The following FER1L6 variants were observed in gnomAD, a reference collection of about 807,000 sequenced individuals.
FER1L6 encodes the protein fer-1-like protein 6.
A neutral mutation model predicts 219.2 loss-of-function variants in FER1L6; 177 were observed. The observed-to-expected ratio is 0.81, with a 90% CI of 0.71 to 0.91. FER1L6 has a LOEUF of 0.91. Among genes scored for constraint, FER1L6 ranks in the 40% least tolerant of loss-of-function variants. The pLI is 0.00. For missense variants in FER1L6, 2,153 were observed against 2,259.9 expected, an observed-to-expected ratio of 0.95 and a Z score of 0.96; for synonymous variants, 768 against 824.3, an observed-to-expected ratio of 0.93 and a Z score of 1.17.
rs1225888872 is a variant in FER1L6, at chr8:124,060,229, T to G, written c.2924T>G (p.Ile975Ser). ...CTCCCACCCGTTGAGCCACCAGACA[T>G]CACCCAGATCTACCCGGTTCCTGCC... The part of the protein sequence containing the change: ...QGLPPVEPPD[I>S]TQIYPVPANI... The change falls in exon 23 of 41, where the codon ATC becomes AGC. Residue 975 changes from isoleucine to serine, a missense_variant. Physicochemically the swap from Ile to Ser is moderately radical, Grantham distance 142 (BLOSUM62 -2). Coordinates refer to ENST00000522917, the MANE Select transcript of FER1L6 (RefSeq NM_001039112.2). 2 of 1,612,826 alleles carry G rather than the reference T, an allele frequency of 1.2e-6. No homozygotes were observed. The highest frequency in any genetic ancestry group is 2.2e-5 in the East Asian group (1 of 44,764).
chr8:123,861,178 C>T (rs1408684667), intron 1 of FER1L6, among the ~76,000 whole-genome samples: 2 of 126,632 alleles, frequency 1.6e-5, no homozygotes, highest in African/African-American at 3.4e-5. Flanking sequence ...AGGAAGGGAT[C>T]CAGTTTCAGC....
intron 1 of FER1L6, among the ~76,000 whole-genome samples, chr8:123,940,827 C>T (rs959150477): frequency 6.6e-6 from 1 of 152,122 alleles, no homozygotes; most frequent in South Asian, 2.1e-4. Context: ...ACCAAATCAT[C>T]CTTTCTCTGC....
At chr8:124,033,235 T>C (rs1819048891) in intron 18 of FER1L6, among the ~76,000 whole-genome samples, 1 of 152,194 alleles carries the variant, frequency 6.6e-6, no homozygotes, top group Admixed American at 6.5e-5. Flanking sequence ...GACACGGCAG[T>C]GAAGCAACAG....
intron 5 of FER1L6, 110 bp downstream of exon 5, chr8:123,966,400 GC>G (rs1815544123): frequency 2.1e-6 from 3 of 1,406,302 alleles, no homozygotes; most frequent in Non-Finnish European, 2.9e-6. Flanking sequence ...TCCCTCCCTG[GC>G]CCCCAGTTAA....
chr8:123,889,604 A>G (rs935538961), intron 1 of FER1L6, among the ~76,000 whole-genome samples: 1 of 152,274 alleles, frequency 6.6e-6, no homozygotes, highest in South Asian at 2.1e-4. Flanking sequence ...TATTAGATAC[A>G]TACACCAAAA....
chr8:123,975,853 C>A lies in FER1L6; in HGVS notation c.684-45C>A, dbSNP rs1027920397. ...TTGCTCCTGTCTTTTCTCTCTGTTT[C>A]TTCAATTGAGAGAGCTTTTTCATTT... is the stretch of plus-strand genomic sequence containing the variant. On this transcript the variant is annotated intron_variant, in intron 8 of 40. Transcript: ENST00000522917. 14 of 1,458,888 alleles carry A rather than the reference C, an allele frequency of 9.6e-6. 1 individual carries two copies. The Admixed American group carries it at 2.8e-4, about 29-fold the overall frequency. 90.4% of individuals were successfully genotyped at this position (1,458,888 alleles called of 1,614,324 possible). A position where few individuals can be genotyped will look rare whatever the true frequency, so the allele number is the denominator to read the frequency against.
At chr8:124,033,412 G>A (rs1418316464) in intron 18 of FER1L6, among the ~76,000 whole-genome samples, 1 of 152,130 alleles carries the variant, frequency 6.6e-6, no homozygotes, top group Non-Finnish European at 1.5e-5. Flanking sequence ...GAAGTGATAA[G>A]TTGAGGGTGA....
intron 1 of FER1L6, among the ~76,000 whole-genome samples, chr8:123,867,362 A>G (rs912224719): frequency 1.3e-5 from 2 of 152,222 alleles, no homozygotes; most frequent in Admixed American, 1.3e-4. Flanking sequence ...TAGGGATGTC[A>G]AAGTCCAAGG....
At position 123,927,333 on chromosome 8, in the gene FER1L6, C is replaced by G. The variant is rs72709125; in HGVS notation, c.-7-28659C>G. 4.4e-3 allele frequency among the ~76,000 whole-genome samples: 663 copies of G among 152,194 alleles called. 1 individual carries two copies. Among genetic ancestry groups the G allele is most frequent in the Non-Finnish European group, 7.1e-3 (485 of 68,024 alleles). ...AGTCAGTAACAATAGCAAATGCAAT[C>G]GCTAGGTAAGGCAAGAGGCTTCATG... On this transcript the variant is annotated intron_variant, in intron 1 of 40. Transcript: ENST00000522917.
intron 40 of FER1L6, among the ~76,000 whole-genome samples, 181 bp downstream of exon 40, chr8:124,119,125 A>G (rs1823374348): frequency 6.6e-6 from 1 of 152,252 alleles, no homozygotes; most frequent in African/African-American, 2.4e-5. Context: ...TATAAGACAT[A>G]TAAGACATAA....
intron 1 of FER1L6, among the ~76,000 whole-genome samples, chr8:123,860,524 T>C (rs1288458728): frequency 8.3e-6 from 1 of 119,846 alleles, no homozygotes; most frequent in Non-Finnish European, 1.7e-5. Flanking sequence ...TCAAATGGTA[T>C]TTCTACTTCT....
At chr8:123,937,307 A>C (rs1387105920) in intron 1 of FER1L6, among the ~76,000 whole-genome samples, 1 of 152,234 alleles carries the variant, frequency 6.6e-6, no homozygotes. Flanking sequence ...TTCATCAAGA[A>C]AGGCCTCGTA....
rs913740857 is a variant in FER1L6, at chr8:124,035,133, T to G, written c.2287-144T>G. ...TCAAGGCAATTGGGGCCATTGTCTT[T>G]ATTTTGATTTAAGAGGAGCTCTTGA... On this transcript the variant is annotated intron_variant, in intron 18 of 40. Coordinates refer to ENST00000522917, the MANE Select transcript of FER1L6 (RefSeq NM_001039112.2). 8 of 821,148 alleles carry G rather than the reference T, an allele frequency of 9.7e-6. No individual in the cohort carries two copies. In the East Asian group the frequency reaches 1.9e-4, roughly 19 times the overall value. The allele number at this position is 821,148 out of a possible 1,614,324, so 50.9% of individuals were successfully genotyped here. A position where few individuals can be genotyped will look rare whatever the true frequency, so the allele number is the denominator to read the frequency against.
chr8:124,072,595 C>T (rs545863953), intron 31 of FER1L6, among the ~76,000 whole-genome samples: 1 of 152,174 alleles, frequency 6.6e-6, no homozygotes. Flanking sequence ...TCCTTTAATG[C>T]TAAGGGAGAA....
At chr8:124,108,602 G>C (rs1486653558) in intron 39 of FER1L6, among the ~76,000 whole-genome samples, 1 of 152,106 alleles carries the variant, frequency 6.6e-6, no homozygotes, top group Non-Finnish European at 1.5e-5. Flanking sequence ...AAAAAAGATG[G>C]GGCTGGGTGT....
chr8:124,105,436 G>T (rs1822726317), intron 39 of FER1L6, among the ~76,000 whole-genome samples: 1 of 152,202 alleles, frequency 6.6e-6, no homozygotes, highest in African/African-American at 2.4e-5. Context: ...GAGGGGATCT[G>T]CCTCACCTAG....
intron 3 of FER1L6, 27 bp downstream of exon 3, chr8:123,963,425 A>G (rs1815394918): frequency 6.2e-7 from 1 of 1,612,912 alleles, no homozygotes; most frequent in Admixed American, 1.7e-5. Context: ...GGTGGTCAAC[A>G]CACATTTGCT....
chr8:123,960,220 T>C (rs1442703478), intron 2 of FER1L6, among the ~76,000 whole-genome samples: 2 of 152,188 alleles, frequency 1.3e-5, no homozygotes, highest in Non-Finnish European at 2.9e-5. Flanking sequence ...CCAAATCTTT[T>C]GGATTCAGGT....
chr8:123,933,130 C>T (rs1813842313), intron 1 of FER1L6, among the ~76,000 whole-genome samples: 1 of 152,172 alleles, frequency 6.6e-6, no homozygotes, highest in Non-Finnish European at 1.5e-5. Context: ...TGGTGTAGGT[C>T]TGGCTGTTCC....
Sources: allele counts gnomAD v4.1 joint callset (sites outside exome capture counted in the v4.1 genomes callset), GRCh38; gene constraint gnomAD v4.1.1; transcripts MANE v1.5; gene names NCBI Gene and HGNC (gene_info 2026-07-23, HGNC 2026-07-21).